OTOA: variants seen among roughly 807,000 people sequenced by gnomAD.
OTOA encodes the protein otoancorin.
In OTOA, 70 loss-of-function variants were observed where a neutral mutation model predicts 110.8. The ratio of observed to expected loss-of-function variants is 0.63; its 90% CI spans 0.52 to 0.77. The LOEUF is 0.77. Ranked by LOEUF, OTOA falls within the 30% of genes least tolerant of loss-of-function variation. The probability of loss-of-function intolerance (pLI) is 0.00; values close to 1 mark genes in which losing one functional copy is unlikely to be tolerated. For synonymous variants in OTOA, 373 were observed against 431.5 expected (o/e 0.86, Z 1.68); for missense variants, 917 against 1,075.8 (o/e 0.85, Z 2.06).
intron 1 of OTOA, among the ~76,000 whole-genome samples, chr16:21,665,016 A>G (rs35922548): frequency 6.6e-6 from 1 of 151,950 alleles, no homozygotes; most frequent in Admixed American, 6.5e-5. Flanking sequence ...AAATAAATAA[A>G]CAAATAAAGT....
intron 1 of OTOA, among the ~76,000 whole-genome samples, chr16:21,665,485 C>A (rs901180700): frequency 2.0e-5 from 3 of 152,138 alleles, no homozygotes; most frequent in Non-Finnish European, 4.4e-5. Flanking sequence ...CACAGCCCTG[C>A]ATCATAACCC....
chr16:21,700,506 C>G (rs766950363), intron 10 of OTOA, among the ~76,000 whole-genome samples: 6 of 152,010 alleles, frequency 3.9e-5, no homozygotes, highest in Non-Finnish European at 7.4e-5. Flanking sequence ...GGGTGGATCA[C>G]TTGATGCTGG....
intron 5 of OTOA, among the ~76,000 whole-genome samples, chr16:21,680,768 G>T (rs555384304): frequency 1.3e-5 from 2 of 149,742 alleles, no homozygotes; most frequent in Admixed American, 6.7e-5. Flanking sequence ...CAGGAGAATC[G>T]CTTGAACCTG....
At chr16:21,677,647 A>G (rs1195004319) in intron 1 of OTOA, among the ~76,000 whole-genome samples, 2 of 151,438 alleles carry the variant, frequency 1.3e-5, no homozygotes, top group Non-Finnish European at 2.9e-5. Context: ...ACGCCCGTCT[A>G]ATTTTTTTGT....
chr16:21,697,810 T>C lies in OTOA; in HGVS notation c.775T>C (p.Trp259Arg), dbSNP rs1476325639. 35 of 1,614,168 alleles carry C rather than the reference T, an allele frequency of 2.2e-5. No individual in the cohort carries two copies. The highest frequency in any genetic ancestry group is 6.7e-5 in the Admixed American group (4 of 60,012). Residue 259 changes from tryptophan (W) to arginine (R), a missense_variant, in exon 10 of 29, where the codon TGG (tryptophan) becomes CGG (arginine). Trp to Arg is a moderately radical substitution (Grantham distance 101). This residue lies in a region of OTOA where 840 missense variants were observed against 910.2 expected (regional missense o/e 0.92). Coordinates refer to ENST00000646100, the MANE Select transcript of OTOA (RefSeq NM_144672.4). ...SASWVSAEHL[W>R]VLGRYMVHLS... ...TTCATGGGTCAGTGCGGAACACTTA[T>C]GGGTTTTGGGCAGATACATGGTTCA...
In OTOA at chr16:21,717,806, AGT is replaced by A. The variant is rs1567387147; in HGVS notation, c.1629+763_1629+764del. Reference sequence around the variant, plus strand: ...GCGCCAGGCACTGCTCACAGTGCTGAGTGTGCAAAAGTGAATGAAACGACACA... The same window carrying A: ...GCGCCAGGCACTGCTCACAGTGCTGAGTGCAAAAGTGAATGAAACGACACA... On this transcript the variant is annotated intron_variant, in intron 15 of 28. Coordinates refer to ENST00000646100, the MANE Select transcript of OTOA (RefSeq NM_144672.4). Among the ~76,000 whole-genome samples, 4 of 152,164 alleles carry A rather than the reference AGT, an allele frequency of 2.6e-5. No individual in the cohort carries two copies. The South Asian group carries it at 6.2e-4, about 24-fold the overall frequency.
At chr16:21,749,643 G>A (rs1300164410) in intron 24 of OTOA, among the ~76,000 whole-genome samples, 1 of 134,660 alleles carries the variant, frequency 7.4e-6, no homozygotes, top group African/African-American at 2.9e-5. Flanking sequence ...GCCTTGTGAG[G>A]TCTTATAATC....
chr16:21,706,541 T>C (rs1898173646), intron 12 of OTOA, among the ~76,000 whole-genome samples: 1 of 152,172 alleles, frequency 6.6e-6, no homozygotes, highest in Admixed American at 6.5e-5. Context: ...AGGGTGGTTA[T>C]GAGTTCCCAA....
intron 15 of OTOA, among the ~76,000 whole-genome samples, chr16:21,718,253 C>A (rs1486787681): frequency 6.6e-6 from 1 of 152,148 alleles, no homozygotes; most frequent in Non-Finnish European, 1.5e-5. Context: ...CCAGGGCACC[C>A]AGCCAATAGT....
chr16:21,718,805 G>C (rs1374800757), intron 15 of OTOA, among the ~76,000 whole-genome samples: 6 of 152,078 alleles, frequency 3.9e-5, no homozygotes, highest in African/African-American at 7.2e-5. Context: ...AGGAGACACA[G>C]GGAGTTCTCA....
At chr16:21,725,238 A>T (rs867159285) in intron 18 of OTOA, among the ~76,000 whole-genome samples, 4 of 152,152 alleles carry the variant, frequency 2.6e-5, no homozygotes, top group African/African-American at 9.7e-5. Flanking sequence ...TGAATGAAGA[A>T]ATAAATAAGA....
intron 20 of OTOA, among the ~76,000 whole-genome samples, chr16:21,728,848 A>G (rs540218997): frequency 1.3e-5 from 2 of 151,788 alleles, no homozygotes; most frequent in African/African-American, 4.8e-5. Flanking sequence ...CGGCCTCCCA[A>G]AGTTCTGGGA....
At chr16:21,721,577 T>C in intron 17 of OTOA, 3 of 435,038 alleles carry the variant, frequency 6.9e-6, no homozygotes, top group Non-Finnish European at 1.4e-5. Flanking sequence ...GCTATTACTT[T>C]TGAGAGTTTT....
At chr16:21,675,988 C>G (rs1966856921) in intron 1 of OTOA, among the ~76,000 whole-genome samples, 1 of 152,156 alleles carries the variant, frequency 6.6e-6, no homozygotes, top group African/African-American at 2.4e-5. Flanking sequence ...AGTGCAGTGG[C>G]ATAATCATGG....
chr16:21,728,866 C>A (rs1046812037), intron 20 of OTOA, among the ~76,000 whole-genome samples: 3 of 151,918 alleles, frequency 2.0e-5, no homozygotes, highest in African/African-American at 7.3e-5. Context: ...GGATTACAGG[C>A]GTGAGTCACC....
intron 24 of OTOA, chr16:21,748,915 A>AAC (rs1899729224): frequency 6.8e-6 from 1 of 147,662 alleles, no homozygotes; most frequent in Non-Finnish European, 1.5e-5. Flanking sequence ...CTACCTGGAT[A>AAC]TGGTCCTTTT....
At chr16:21,681,571 A>G (rs1478023666) in intron 5 of OTOA, among the ~76,000 whole-genome samples, 167 bp from the exon 6 acceptor site, 2 of 152,186 alleles carry the variant, frequency 1.3e-5, no homozygotes, top group Non-Finnish European at 2.9e-5. Flanking sequence ...TCAAAAAAAG[A>G]GAAAAGAAAA....
intron 21 of OTOA, among the ~76,000 whole-genome samples, chr16:21,735,882 C>A (rs1461739655): frequency 1.3e-5 from 2 of 152,196 alleles, no homozygotes; most frequent in African/African-American, 4.8e-5. Context: ...GTATGAGCCA[C>A]CACACCTCGC....
intron 15 of OTOA, among the ~76,000 whole-genome samples, chr16:21,718,281 A>T (rs1441046226): frequency 1.3e-5 from 2 of 152,136 alleles, no homozygotes; most frequent in Non-Finnish European, 2.9e-5. Context: ...TGGAAAATAC[A>T]TTCTGCCACC....
Sources: allele counts gnomAD v4.1 joint callset (sites outside exome capture counted in the v4.1 genomes callset), GRCh38; gene constraint gnomAD v4.1.1; regional missense constraint gnomAD v4.1.1; transcripts MANE v1.5; gene names NCBI Gene and HGNC (gene_info 2026-07-23, HGNC 2026-07-21).